CSNK2A2IP: variants seen among roughly 807,000 people sequenced by gnomAD.
The protein encoded by CSNK2A2IP is casein kinase II subunit alpha'-interacting protein.
At chr3:88,437,345 A>G in the CSNK2A2IP span, among the ~76,000 whole-genome samples, 1 of 152,076 alleles carries the variant, frequency 6.6e-6, no homozygotes, top group Non-Finnish European at 1.5e-5. Flanking sequence ...ACCAAATTCA[A>G]ATCCCATTAA....
the CSNK2A2IP span, among the ~76,000 whole-genome samples, chr3:88,348,984 T>G: frequency 6.6e-6 from 1 of 152,064 alleles, no homozygotes; most frequent in African/African-American, 2.4e-5. Context: ...ATACTCTTTT[T>G]GCTTCATTAT....
At chr3:88,372,143 T>G in the CSNK2A2IP span, among the ~76,000 whole-genome samples, 3 of 151,848 alleles carry the variant, frequency 2.0e-5, no homozygotes, top group Non-Finnish European at 4.4e-5. Flanking sequence ...TAATTTTCAA[T>G]TTTTTAAAAG....
chr3:88,454,368 G>GT, the CSNK2A2IP span, among the ~76,000 whole-genome samples: 1,110 of 151,490 alleles, frequency 7.3e-3, 6 homozygotes, highest in Non-Finnish European at 0.011. Flanking sequence ...CTATTTTTAT[G>GT]TTTTTTTCAT....
At chr3:88,397,005 T>C in the CSNK2A2IP span, among the ~76,000 whole-genome samples, 1 of 152,038 alleles carries the variant, frequency 6.6e-6, no homozygotes, top group Non-Finnish European at 1.5e-5. Context: ...AGGGATGGCG[T>C]CAGTGTGCCA....
chr3:88,420,551 ATAAAT>A, the CSNK2A2IP span, among the ~76,000 whole-genome samples: 1 of 152,186 alleles, frequency 6.6e-6, no homozygotes, highest in Admixed American at 6.5e-5. Context: ...TTATTATAAA[ATAAAT>A]TAAGATTAAC....
the CSNK2A2IP span, among the ~76,000 whole-genome samples, chr3:88,359,160 A>G: frequency 9.6e-4 from 145 of 151,652 alleles, 1 homozygote; most frequent in Non-Finnish European, 5.2e-4. Flanking sequence ...CAGGTTTCCT[A>G]GTTTATTGGC....
the CSNK2A2IP span, among the ~76,000 whole-genome samples, chr3:88,446,265 T>C: frequency 6.6e-6 from 1 of 151,994 alleles, no homozygotes; most frequent in Non-Finnish European, 1.5e-5. Flanking sequence ...ATTTTTTGTG[T>C]CTTTAGTAGA....
the CSNK2A2IP span, among the ~76,000 whole-genome samples, chr3:88,416,030 G>A: frequency 6.6e-6 from 1 of 151,936 alleles, no homozygotes; most frequent in Non-Finnish European, 1.5e-5. Context: ...CAGCACTTTG[G>A]GAGGCCGAGG....
At chr3:88,440,361 C>A in the CSNK2A2IP span, among the ~76,000 whole-genome samples, 1 of 151,924 alleles carries the variant, frequency 6.6e-6, no homozygotes, top group African/African-American at 2.4e-5. Context: ...TGGTAACATA[C>A]AATAGCTTAT....
At chr3:88,411,350 C>CATCTATCTATCTATCTATCT in the CSNK2A2IP span, among the ~76,000 whole-genome samples, 3 of 146,658 alleles carry the variant, frequency 2.0e-5, no homozygotes, top group African/African-American at 7.7e-5. Context: ...CTCTATCTAT[C>CATCTATCTATCTATCTATCT]ATCTATCTAT....
At chr3:88,430,236 G>T in the CSNK2A2IP span, among the ~76,000 whole-genome samples, 1 of 152,012 alleles carries the variant, frequency 6.6e-6, no homozygotes, top group African/African-American at 2.4e-5. Flanking sequence ...ATTCCTGAAA[G>T]AAAGGTTTGA....
At chr3:88,391,851 A>C in the CSNK2A2IP span, among the ~76,000 whole-genome samples, 1 of 152,152 alleles carries the variant, frequency 6.6e-6, no homozygotes. Context: ...AATTTATGGC[A>C]AGAGTAACAT....
the CSNK2A2IP span, among the ~76,000 whole-genome samples, chr3:88,354,651 C>T: frequency 6.6e-6 from 1 of 152,036 alleles, no homozygotes; most frequent in Non-Finnish European, 1.5e-5. Flanking sequence ...AGTAATTACC[C>T]TGATGGTAGT....
At chr3:88,410,648 C>T in the CSNK2A2IP span, among the ~76,000 whole-genome samples, 1 of 151,858 alleles carries the variant, frequency 6.6e-6, no homozygotes, top group Non-Finnish European at 1.5e-5. Context: ...TCATCTTTTT[C>T]TTATTCTAGT....
At chr3:88,466,711 A>C in the CSNK2A2IP span, 8 of 1,108,052 alleles carry the variant, frequency 7.2e-6, no homozygotes, top group African/African-American at 1.3e-4. Context: ...CTGTAGGCAG[A>C]TTTTGTTTAG....
the CSNK2A2IP span, chr3:88,467,380 C>G: frequency 1.5e-5 from 6 of 398,480 alleles, no homozygotes; most frequent in Non-Finnish European, 2.7e-5. Context: ...ACTTAGCTAC[C>G]ATCGGTTGCC....
At chr3:88,444,183 G>T in the CSNK2A2IP span, among the ~76,000 whole-genome samples, 8 of 151,972 alleles carry the variant, frequency 5.3e-5, no homozygotes, top group African/African-American at 1.9e-4. Context: ...TTTTTCTTGG[G>T]ATGACTTAAA....
chr3:88,408,206 T>C, the CSNK2A2IP span, among the ~76,000 whole-genome samples: 4 of 152,108 alleles, frequency 2.6e-5, no homozygotes, highest in Non-Finnish European at 5.9e-5. Context: ...TCATGTCTAC[T>C]TAGGCAGTTT....
chr3:88,358,750 A>C, the CSNK2A2IP span, among the ~76,000 whole-genome samples: 4 of 152,106 alleles, frequency 2.6e-5, no homozygotes, highest in African/African-American at 9.7e-5. Flanking sequence ...GATTTTGTTG[A>C]AAATTTTGCA....
Sources: allele counts gnomAD v4.1 joint callset (sites outside exome capture counted in the v4.1 genomes callset), GRCh38; gene constraint gnomAD v4.1.1; transcripts MANE v1.5; gene names NCBI Gene and HGNC (gene_info 2026-07-23, HGNC 2026-07-21).